The following PRDM5 variants were observed in gnomAD, a reference collection of about 807,000 sequenced individuals.
The protein encoded by PRDM5 is PR/SET domain 5.
Under a neutral mutation model 81.2 loss-of-function variants are expected in PRDM5, and 56 were observed. The observed-to-expected ratio is 0.69, with a 90% CI of 0.56 to 0.86. PRDM5 has a LOEUF of 0.86. PRDM5 is among the 40% of genes least tolerant of loss of function. The probability of loss-of-function intolerance (pLI) is 0.00; values close to 1 mark genes in which losing one functional copy is unlikely to be tolerated. For synonymous variants in PRDM5, 267 were observed against 256.4 expected, an observed-to-expected ratio of 1.04 and a Z score of -0.39; for missense variants, 697 against 770.1, an observed-to-expected ratio of 0.91 and a Z score of 1.12.
At chr4:120,814,525 T>C (rs1269379774) in intron 7 of PRDM5, among the ~76,000 whole-genome samples, 1 of 152,236 alleles carries the variant, frequency 6.6e-6, no homozygotes, top group African/African-American at 2.4e-5. Context: ...ACCCATGTTA[T>C]GGTTGCTATG....
intron 2 of PRDM5, 73 bp from the exon 3 acceptor site, chr4:120,853,613 C>T (rs1023401046): frequency 1.3e-6 from 2 of 1,596,094 alleles, no homozygotes; most frequent in East Asian, 2.2e-5. Context: ...AAGGTTAGGA[C>T]ATGACGTTTT....
At chr4:120,699,004 GAC>G (rs1330974370) in intron 15 of PRDM5, among the ~76,000 whole-genome samples, 2 of 151,294 alleles carry the variant, frequency 1.3e-5, no homozygotes, top group Non-Finnish European at 2.9e-5. Context: ...TTATATTAAA[GAC>G]AGACAAAATT....
At chr4:120,911,894 T>TA (rs935377857) in intron 1 of PRDM5, among the ~76,000 whole-genome samples, 8 of 152,178 alleles carry the variant, frequency 5.3e-5, no homozygotes, top group Non-Finnish European at 1.0e-4. Flanking sequence ...CATTAGAGGA[T>TA]AATAAGTTAT....
intron 1 of PRDM5, among the ~76,000 whole-genome samples, chr4:120,913,128 C>T (rs1766708561): frequency 6.6e-6 from 1 of 152,174 alleles, no homozygotes; most frequent in South Asian, 2.1e-4. Context: ...AGGTAAAATA[C>T]TATATTTATC....
downstream of PRDM5, among the ~76,000 whole-genome samples, chr4:120,691,488 C>T (rs1175720472): frequency 6.6e-6 from 1 of 152,036 alleles, no homozygotes; most frequent in East Asian, 1.9e-4. Context: ...AAATGATAAA[C>T]ATAAATTTAA....
chr4:120,860,500 C>T (rs1364265903), intron 2 of PRDM5, among the ~76,000 whole-genome samples: 1 of 151,852 alleles, frequency 6.6e-6, no homozygotes, highest in Non-Finnish European at 1.5e-5. Flanking sequence ...AGAAACTGTC[C>T]TTTTCTATAG....
At chr4:120,753,715 A>C (rs1343431092) in intron 14 of PRDM5, among the ~76,000 whole-genome samples, 1 of 152,204 alleles carries the variant, frequency 6.6e-6, no homozygotes, top group Non-Finnish European at 1.5e-5. Context: ...GAAAAAAAAA[A>C]TACATCATTT....
At chr4:120,885,134 C>CAAAAAA (rs60623556) in intron 2 of PRDM5, among the ~76,000 whole-genome samples, 11 of 50,690 alleles carry the variant, frequency 2.2e-4, no homozygotes, top group Admixed American at 2.3e-4. Context: ...GACTCCGTAT[C>CAAAAAA]AAAAAAAAAA....
At position 120,710,297 on chromosome 4, in the gene PRDM5, A is replaced by G. The variant is rs774248166; in HGVS notation, c.1728+12T>C. On this transcript the variant is annotated intron_variant, in intron 15 of 15. Coordinates refer to ENST00000264808, the MANE Select transcript of PRDM5 (RefSeq NM_018699.4). The stretch of plus-strand genomic sequence containing the variant: ...TTGGAAGACACTATGGGGGAAAAAA[A>G]TCCAAACTCACATCACACTGAAAAG... 1 of 1,612,502 alleles carries G rather than the reference A, an allele frequency of 6.2e-7. No homozygotes were observed. Among genetic ancestry groups the G allele is most frequent in the Non-Finnish European group, 8.5e-7 (1 of 1,179,086 alleles).
At chr4:120,785,650 T>C (rs11735169) in intron 10 of PRDM5, among the ~76,000 whole-genome samples, 30,285 of 152,140 alleles carry the variant, frequency 0.2, 3,677 homozygotes, top group Non-Finnish European at 0.28. Context: ...ATTTAATTTG[T>C]GTCAAATGCT....
intron 2 of PRDM5, among the ~76,000 whole-genome samples, chr4:120,886,402 T>TAATA (rs1763441709): frequency 2.6e-5 from 4 of 152,202 alleles, no homozygotes; most frequent in Non-Finnish European, 5.9e-5. Flanking sequence ...ACAGCTGTAA[T>TAATA]CACATAATAA....
At chr4:120,698,165 TA>T (rs35666859) in intron 15 of PRDM5, among the ~76,000 whole-genome samples, 26,230 of 152,102 alleles carry the variant, frequency 0.17, 2,587 homozygotes, top group Non-Finnish European at 0.24. Context: ...CATGTTCACT[TA>T]AGCAGCAAGT....
chr4:120,819,873 C>T (rs1755031961), intron 4 of PRDM5, among the ~76,000 whole-genome samples: 1 of 152,114 alleles, frequency 6.6e-6, no homozygotes, highest in African/African-American at 2.4e-5. Flanking sequence ...AATAATTCAA[C>T]TAAAATAAAG....
At chr4:120,772,710 C>T (rs1401493837) in intron 13 of PRDM5, among the ~76,000 whole-genome samples, 1 of 152,180 alleles carries the variant, frequency 6.6e-6, no homozygotes, top group African/African-American at 2.4e-5. Flanking sequence ...AGGTATTTAT[C>T]ATTGGCCAGG....
chr4:120,754,481 A>C, intron 14 of PRDM5, 72 bp downstream of exon 14: 1 of 1,042,926 alleles, frequency 9.6e-7, no homozygotes, highest in Non-Finnish European at 1.4e-6. Flanking sequence ...TGTAATATAA[A>C]GTTAAATATA....
At chr4:120,800,065 A>C (rs1257648297) in intron 8 of PRDM5, among the ~76,000 whole-genome samples, 1 of 152,252 alleles carries the variant, frequency 6.6e-6, no homozygotes, top group Admixed American at 6.5e-5. Context: ...TTATGCACAA[A>C]TTTAGACTTG....
intron 14 of PRDM5, among the ~76,000 whole-genome samples, chr4:120,717,689 G>T (rs963411225): frequency 1.3e-5 from 2 of 152,146 alleles, no homozygotes; most frequent in African/African-American, 2.4e-5. Context: ...CATCAGACAG[G>T]CTACCAAGGA....
intron 8 of PRDM5, among the ~76,000 whole-genome samples, chr4:120,800,086 G>C (rs1751922356): frequency 6.6e-6 from 1 of 152,130 alleles, no homozygotes; most frequent in Non-Finnish European, 1.5e-5. Flanking sequence ...GAAATATGTA[G>C]CATGCAGTTA....
intron 15 of PRDM5, among the ~76,000 whole-genome samples, chr4:120,707,586 A>C (rs1222495826): frequency 1.3e-5 from 2 of 152,004 alleles, no homozygotes; most frequent in Non-Finnish European, 2.9e-5. Context: ...ACAAAAAAAA[A>C]CAACAGAAGG....
Sources: allele counts gnomAD v4.1 joint callset (sites outside exome capture counted in the v4.1 genomes callset), GRCh38; gene constraint gnomAD v4.1.1; transcripts MANE v1.5; gene names NCBI Gene and HGNC (gene_info 2026-07-23, HGNC 2026-07-21).